The following TTLL5 variants were observed in gnomAD, a reference collection of about 807,000 sequenced individuals.
The protein encoded by TTLL5 is tubulin tyrosine ligase like 5, also known as tubulin polyglutamylase TTLL5.
In TTLL5, 132 loss-of-function variants were observed where a neutral mutation model predicts 168.4. That is an observed-to-expected ratio of 0.78 (90% CI 0.68 to 0.91). The LOEUF is 0.91. Among genes scored for constraint, TTLL5 ranks in the 40% least tolerant of loss-of-function variants. The probability of loss-of-function intolerance (pLI) is 0.00; values close to 1 mark genes in which losing one functional copy is unlikely to be tolerated. For missense variants in TTLL5, 1,545 were observed against 1,581.5 expected, an observed-to-expected ratio of 0.98 and a Z score of 0.39; for synonymous variants, 546 against 558.6, an observed-to-expected ratio of 0.98 and a Z score of 0.32.
chr14:75,693,707 A>T (rs1375140116), intron 6 of TTLL5, among the ~76,000 whole-genome samples: 1 of 152,252 alleles, frequency 6.6e-6, no homozygotes, highest in Non-Finnish European at 1.5e-5. Flanking sequence ...GAAGCAACAA[A>T]GAAGAAGATG....
At chr14:75,694,066 C>T (rs149562046) in intron 6 of TTLL5, among the ~76,000 whole-genome samples, 104 of 152,312 alleles carry the variant, frequency 6.8e-4, no homozygotes, top group African/African-American at 2.3e-3. Context: ...AGCCTGCTGC[C>T]ACTGTAGGAA....
At chr14:75,738,025 G>A (rs1177258946) in intron 15 of TTLL5, among the ~76,000 whole-genome samples, 1 of 152,092 alleles carries the variant, frequency 6.6e-6, no homozygotes, top group Middle Eastern at 3.2e-3. Context: ...TGGGTGTAGG[G>A]TTGTATTTGA....
At chr14:75,844,727 T>G (rs892833271) in intron 28 of TTLL5, among the ~76,000 whole-genome samples, 2 of 152,192 alleles carry the variant, frequency 1.3e-5, no homozygotes, top group African/African-American at 4.8e-5. Context: ...CTGTCCTCAT[T>G]CTTGGTCACT....
At chr14:75,688,537 G>A (rs1221407883) in intron 5 of TTLL5, among the ~76,000 whole-genome samples, 1 of 152,188 alleles carries the variant, frequency 6.6e-6, no homozygotes, top group East Asian at 1.9e-4. Context: ...ATCCCAAGGA[G>A]GGAGTCGTAG....
At chr14:75,879,323 A>G (rs1031231589) in intron 29 of TTLL5, among the ~76,000 whole-genome samples, 4 of 152,238 alleles carry the variant, frequency 2.6e-5, no homozygotes, top group African/African-American at 7.2e-5. Flanking sequence ...TTTCACAACT[A>G]GTGAGTGTCA....
intron 23 of TTLL5, among the ~76,000 whole-genome samples, chr14:75,779,135 T>A (rs545244570): frequency 2.2e-4 from 33 of 152,318 alleles, no homozygotes; most frequent in African/African-American, 7.5e-4. Context: ...TTTTAAAAAA[T>A]TTTTGGCTGG....
rs904051969 is a variant in TTLL5, at chr14:75,852,877, T to C, written c.3327-10790T>C. The stretch of plus-strand genomic sequence containing the variant: ...AGTTACTGACAGTTATTAACAGTTA[T>C]AGTTAATTTATAATTTACCTTTTAC... On this transcript the variant is annotated intron_variant, in intron 28 of 31. Coordinates refer to ENST00000298832, the MANE Select transcript of TTLL5 (RefSeq NM_015072.5). 2.0e-5 allele frequency among the ~76,000 whole-genome samples: 3 copies of C among 152,246 alleles called. No individual in the cohort carries two copies. In the East Asian group the frequency reaches 5.8e-4, roughly 29 times the overall value.
chr14:75,811,018 G>A (rs1329169990), intron 27 of TTLL5, among the ~76,000 whole-genome samples: 2 of 151,618 alleles, frequency 1.3e-5, no homozygotes, highest in Non-Finnish European at 2.9e-5. Flanking sequence ...AGGTGATTTG[G>A]GACTCCTAAT....
intron 6 of TTLL5, among the ~76,000 whole-genome samples, chr14:75,695,636 C>T (rs1227121609): frequency 6.6e-6 from 1 of 152,136 alleles, no homozygotes; most frequent in African/African-American, 2.4e-5. Context: ...TGTACTCTTT[C>T]CCTTTATTTC....
intron 13 of TTLL5, among the ~76,000 whole-genome samples, chr14:75,733,546 T>G (rs938176230): frequency 1.5e-4 from 23 of 152,230 alleles, no homozygotes; most frequent in African/African-American, 5.3e-4. Context: ...AAAGTACCAG[T>G]GTGGCCAGAG....
intron 10 of TTLL5, among the ~76,000 whole-genome samples, chr14:75,718,381 T>C (rs1245361080): frequency 6.6e-6 from 1 of 152,222 alleles, no homozygotes; most frequent in Non-Finnish European, 1.5e-5. Context: ...GAATAAAAGA[T>C]GTACACACAG....
chr14:75,822,385 T>C (rs1894880266), intron 28 of TTLL5, among the ~76,000 whole-genome samples: 1 of 152,178 alleles, frequency 6.6e-6, no homozygotes, highest in African/African-American at 2.4e-5. Flanking sequence ...AGCTTTTAGA[T>C]TGCCTTTAAA....
intron 31 of TTLL5, chr14:75,906,509 A>G (rs2033154106): frequency 1.0e-6 from 1 of 985,652 alleles, no homozygotes; most frequent in African/African-American, 1.7e-5. Context: ...CTTTGGGCCA[A>G]AATCAAATGT....
chr14:75,928,368 T>TCTATATATATATATATATATAG (rs2034155229), intron 31 of TTLL5, among the ~76,000 whole-genome samples: 1 of 140,318 alleles, frequency 7.1e-6, no homozygotes, highest in Non-Finnish European at 1.5e-5. Context: ...TATATATATA[T>TCTATATATATATATATATATAG]CACTGTATTT....
chr14:75,864,926 A>G (rs138959436), intron 29 of TTLL5, among the ~76,000 whole-genome samples: 65 of 152,226 alleles, frequency 4.3e-4, no homozygotes, highest in African/African-American at 1.4e-3. Context: ...CTTTTCAACT[A>G]CCACCCATAA....
intron 18 of TTLL5, among the ~76,000 whole-genome samples, chr14:75,758,613 G>A (rs1258671039): frequency 2.0e-5 from 3 of 152,152 alleles, no homozygotes; most frequent in African/African-American, 7.2e-5. Flanking sequence ...CTGTAGAGGT[G>A]TAAGCAGATG....
intron 28 of TTLL5, among the ~76,000 whole-genome samples, chr14:75,857,350 A>G (rs1897181087): frequency 6.6e-6 from 1 of 151,218 alleles, no homozygotes; most frequent in African/African-American, 2.4e-5. Flanking sequence ...GCCATGATAT[A>G]TTATCCTAGT....
chr14:75,807,936 T>G, intron 27 of TTLL5, among the ~76,000 whole-genome samples: 1 of 152,224 alleles, frequency 6.6e-6, no homozygotes, highest in East Asian at 1.9e-4. Context: ...GTGGCTCTGT[T>G]GAGAATTATC....
chr14:75,799,392 A>G (rs541603358), intron 27 of TTLL5, among the ~76,000 whole-genome samples: 3 of 152,224 alleles, frequency 2.0e-5, no homozygotes, highest in African/African-American at 7.2e-5. Context: ...TCCTGAACTT[A>G]TATGTTAGTT....
Sources: gnomAD v4.1 joint callset for allele counts (sites outside exome capture counted in the v4.1 genomes callset) on GRCh38, gnomAD v4.1.1 for gene constraint, MANE v1.5 for transcripts, NCBI Gene and HGNC (gene_info 2026-07-23, HGNC 2026-07-21) for gene names.